The following KALRN variants were observed in gnomAD, a reference collection of about 807,000 sequenced individuals.
KALRN encodes the protein kalirin.
KALRN carries 70 observed loss-of-function variants against 353.7 expected under a neutral mutation model. The observed-to-expected ratio is 0.20, with a 90% CI of 0.16 to 0.24. The LOEUF (loss-of-function observed/expected upper bound fraction) is 0.24, where lower values mean the gene tolerates loss of function less well. KALRN is among the 10% of genes least tolerant of loss of function. The pLI is 1.00. For missense variants in KALRN, 2,791 were observed against 3,756.7 expected (o/e 0.74, Z 6.72); for synonymous variants, 1,391 against 1,434.8 (o/e 0.97, Z 0.69).
intron 51 of KALRN, among the ~76,000 whole-genome samples, chr3:124,688,310 CAA>C (rs59265829): frequency 1.3e-4 from 11 of 83,220 alleles, no homozygotes; most frequent in East Asian, 2.8e-4. Flanking sequence ...GAGACCCTGT[CAA>C]AAAAAAAAAA....
At chr3:124,152,700 T>C (rs1319452549) in intron 1 of KALRN, among the ~76,000 whole-genome samples, 1 of 151,582 alleles carries the variant, frequency 6.6e-6, no homozygotes. Flanking sequence ...TTCAAGCGAT[T>C]CTCCTGCCTC....
intron 1 of KALRN, among the ~76,000 whole-genome samples, chr3:124,106,964 C>G (rs556960573): frequency 1.3e-5 from 2 of 152,312 alleles, no homozygotes; most frequent in African/African-American, 4.8e-5. Context: ...TTGCATTTCT[C>G]TATCCTTCCT....
chr3:124,423,053 G>C, intron 15 of KALRN, 75 bp downstream of exon 15: 1 of 1,477,218 alleles, frequency 6.8e-7, no homozygotes, highest in Non-Finnish European at 9.3e-7. Flanking sequence ...CTCCTGGTAT[G>C]AGGTAAGGCA....
At chr3:124,558,912 A>G (rs77786467) in intron 33 of KALRN, among the ~76,000 whole-genome samples, 3,359 of 152,348 alleles carry the variant, frequency 0.022, 75 homozygotes, top group African/African-American at 0.058. Flanking sequence ...CCATTGGGAA[A>G]CCATCACAGA....
chr3:124,709,519 GCACCCACCTTGGTCTCC>G (rs1306179459), intron 57 of KALRN, among the ~76,000 whole-genome samples: 6 of 152,134 alleles, frequency 3.9e-5, no homozygotes, highest in African/African-American at 1.2e-4. Flanking sequence ...CTCAAGTGAT[GCACCCACCTTGGTCTCC>G]CAAGGTGTTG....
chr3:124,556,360 G>A (rs953655220), intron 33 of KALRN, among the ~76,000 whole-genome samples: 23 of 152,042 alleles, frequency 1.5e-4, no homozygotes, highest in African/African-American at 5.1e-4. Context: ...AGAGCTCCAC[G>A]ACAATGTTCC....
chr3:124,224,173 C>T (rs1203188671), intron 1 of KALRN, among the ~76,000 whole-genome samples: 1 of 149,548 alleles, frequency 6.7e-6, no homozygotes, highest in African/African-American at 2.5e-5. Context: ...TTTTTTCCTG[C>T]AGCAACTCCA....
At chr3:124,479,126 T>C (rs1258786408) in intron 27 of KALRN, among the ~76,000 whole-genome samples, 2 of 152,254 alleles carry the variant, frequency 1.3e-5, no homozygotes, top group African/African-American at 4.8e-5. Flanking sequence ...TGATTCATAT[T>C]TGTCACATCT....
rs559631672 is a variant in KALRN, at chr3:124,088,737, C to T, written c.73+54924C>T. ...CAGCCCTTTCCCAGTACCTCGAAGG[C>T]TTGCAAATTAATGGTACAAAAGGTA... On this transcript the variant is annotated intron_variant, in intron 1 of 59. Transcript: ENST00000682506. Among the ~76,000 whole-genome samples, 7 of 152,244 alleles carry T rather than the reference C, an allele frequency of 4.6e-5. No homozygotes were observed. In the South Asian group the frequency reaches 1.5e-3, roughly 32 times the overall value.
At chr3:124,232,952 A>G (rs2079339594) in intron 2 of KALRN, among the ~76,000 whole-genome samples, 1 of 152,122 alleles carries the variant, frequency 6.6e-6, no homozygotes, top group Non-Finnish European at 1.5e-5. Flanking sequence ...CTTTAAAATC[A>G]TATAATAAAT....
chr3:124,305,460 G>A (rs1560513761), intron 6 of KALRN, among the ~76,000 whole-genome samples: 1 of 152,140 alleles, frequency 6.6e-6, no homozygotes, highest in East Asian at 1.9e-4. Context: ...TTATGCCCCA[G>A]TACATTGTTG....
chr3:124,667,261 A>T (rs548574963), intron 47 of KALRN, 78 bp downstream of exon 47: 4 of 1,265,816 alleles, frequency 3.2e-6, no homozygotes, highest in Non-Finnish European at 3.3e-6. Flanking sequence ...GTCTAGGTTC[A>T]TGTTGAGTTA....
chr3:124,165,375 T>C (rs1328917746), intron 1 of KALRN, among the ~76,000 whole-genome samples: 1 of 151,860 alleles, frequency 6.6e-6, no homozygotes, highest in African/African-American at 2.4e-5. Flanking sequence ...CCTCAGATGT[T>C]TTTATCTAAT....
chr3:124,393,371 A>G (rs1448214838), intron 11 of KALRN, among the ~76,000 whole-genome samples: 1 of 152,250 alleles, frequency 6.6e-6, no homozygotes, highest in African/African-American at 2.4e-5. Context: ...AGAAAAAACG[A>G]CAGCCAGAAA....
intron 1 of KALRN, among the ~76,000 whole-genome samples, chr3:124,041,666 T>C (rs2039981544): frequency 6.6e-6 from 1 of 152,244 alleles, no homozygotes; most frequent in African/African-American, 2.4e-5. Flanking sequence ...TTACTTCTGC[T>C]GAATCTCAGG....
At chr3:124,694,648 T>C (rs974625043) in intron 53 of KALRN, 145 bp downstream of exon 53, 4 of 763,588 alleles carry the variant, frequency 5.2e-6, no homozygotes, top group Non-Finnish European at 8.3e-6. Flanking sequence ...GGCAAACACT[T>C]GGACTTGATT....
At chr3:124,299,838 G>T (rs939586672) in intron 6 of KALRN, among the ~76,000 whole-genome samples, 1 of 152,070 alleles carries the variant, frequency 6.6e-6, no homozygotes, top group Non-Finnish European at 1.5e-5. Context: ...GTTTTCCTGC[G>T]TGGCTACCCC....
At chr3:124,465,067 A>T (rs1298314301) in intron 25 of KALRN, among the ~76,000 whole-genome samples, 2 of 152,124 alleles carry the variant, frequency 1.3e-5, no homozygotes, top group Non-Finnish European at 2.9e-5. Flanking sequence ...AAATAAATTA[A>T]TGGTTTAATT....
chr3:124,340,073 A>C (rs989881974), intron 9 of KALRN, among the ~76,000 whole-genome samples: 8 of 152,196 alleles, frequency 5.3e-5, no homozygotes, highest in African/African-American at 1.9e-4. Flanking sequence ...ACACAGCAGC[A>C]AATCAAATGA....
Sources: allele counts gnomAD v4.1 joint callset (sites outside exome capture counted in the v4.1 genomes callset), GRCh38; gene constraint gnomAD v4.1.1; transcripts MANE v1.5; gene names NCBI Gene and HGNC (gene_info 2026-07-23, HGNC 2026-07-21).